The following CMTR1 variants were observed in gnomAD, a reference collection of about 807,000 sequenced individuals.
The protein encoded by CMTR1 is cap-specific mRNA (nucleoside-2'-O-)-methyltransferase 1.
In CMTR1, 39 loss-of-function variants were observed where a neutral mutation model predicts 107.0. The ratio of observed to expected loss-of-function variants is 0.36; its 90% CI spans 0.28 to 0.48. The LOEUF is 0.48. CMTR1 is among the 20% of genes least tolerant of loss of function. The pLI is 0.99. For missense variants in CMTR1, 672 were observed against 1,064.9 expected (o/e 0.63, Z 5.14); for synonymous variants, 366 against 379.5 (o/e 0.96, Z 0.41).
rs999022330 is a variant in CMTR1, at chr6:37,435,733, C to T, written c.104C>T (p.Pro35Leu). The change falls in exon 2 of 24, where the codon CCT (proline) becomes CTT (leucine). Residue 35 changes from proline (P) to leucine (L), a missense_variant. This residue lies in a region of CMTR1 where 89 missense variants were observed against 96.6 expected (regional missense o/e 0.92). Coordinates refer to ENST00000373451, the MANE Select transcript of CMTR1 (RefSeq NM_015050.3). ...CTCAGCTCCACGTCCGATGATGAAC[C>T]TCCCTCCTCTGTCAGTCATGGAGCA... ...LSLSSTSDDE[P>L]PSSVSHGAKA... 3.1e-6 allele frequency: 5 copies of T among 1,597,218 alleles called. No individual in the cohort carries two copies. The highest frequency in any genetic ancestry group is 1.8e-5 in the Admixed American group (1 of 55,648).
Position 37,473,573 on chromosome 6 carries a change from G to A in CMTR1, c.1793G>A (p.Ser598Asn), listed in dbSNP as rs1267368775. 3 of 1,614,084 alleles carry A rather than the reference G, an allele frequency of 1.9e-6. No individual in the cohort carries two copies. The highest frequency in any genetic ancestry group is 2.5e-6 in the Non-Finnish European group (3 of 1,179,980). Residue 598 changes from serine to asparagine, a missense_variant, in exon 17 of 24, where the codon AGT (serine) becomes AAT (asparagine). By Grantham distance (46) the Ser-to-Asn change is conservative. Coordinates refer to ENST00000373451, the MANE Select transcript of CMTR1 (RefSeq NM_015050.3). ...GACTACCGCTGCATGGTATCTGGCA[G>A]TGAGCAGAAGTTCCTCATCGGCCTG... ...VFDYRCMVSG[S>N]EQKFLIGLGK...
chr6:37,475,515 T>A (rs1242241018), intron 19 of CMTR1, 103 bp downstream of exon 19: 1 of 923,226 alleles, frequency 1.1e-6, no homozygotes, highest in Admixed American at 2.2e-5. Flanking sequence ...CCTTCTCTGC[T>A]TGTTGACATC....
chr6:37,477,723 A>T, intron 21 of CMTR1, 84 bp downstream of exon 21: 2 of 277,150 alleles, frequency 7.2e-6, no homozygotes, highest in Non-Finnish European at 1.4e-5. Flanking sequence ...GTTTCATAAG[A>T]TGGGTCGGGG....
intron 13 of CMTR1, among the ~76,000 whole-genome samples, chr6:37,463,499 G>A (rs1761443003): frequency 1.3e-5 from 2 of 151,906 alleles, no homozygotes; most frequent in East Asian, 1.9e-4. Context: ...TATCTTCTTT[G>A]TTTTCCCCAC....
rs576276835 is a variant in CMTR1 at position 37,446,311 on chromosome 6, A to G, written c.306A>G (p.Glu102=). 1.2e-6 allele frequency: 2 copies of G among 1,614,148 alleles called. No homozygotes were observed. The highest frequency in any genetic ancestry group is 2.2e-5 in the East Asian group (1 of 44,876). Residue 102 remains glutamate (E), a synonymous_variant, in exon 4 of 24, where the codon GAA becomes GAG. Transcript: ENST00000373451. The part of the protein sequence containing the change: ...QKLMAKMGFR[E]GEGLGKYSQG... ...TTCAGGCCAAGATGGGCTTCAGGGA[A>G]GGTGAAGGATTGGGTAAATACAGCC...
At chr6:37,468,669 A>C (rs1761557711) in intron 13 of CMTR1, among the ~76,000 whole-genome samples, 1 of 151,928 alleles carries the variant, frequency 6.6e-6, no homozygotes, top group South Asian at 2.1e-4. Flanking sequence ...GGATCACCTG[A>C]GGTCAGGAGT....
At chr6:37,445,184 C>G (rs188894110) in intron 3 of CMTR1, among the ~76,000 whole-genome samples, 68 of 152,324 alleles carry the variant, frequency 4.5e-4, no homozygotes, top group Non-Finnish European at 8.2e-4. Context: ...GCTTGTGACT[C>G]AGTCAGCCTG....
At chr6:37,438,520 A>G (rs1581726874) in intron 2 of CMTR1, among the ~76,000 whole-genome samples, 1 of 152,134 alleles carries the variant, frequency 6.6e-6, no homozygotes, top group African/African-American at 2.4e-5. Context: ...TCCCTAGGTT[A>G]ATTTATTTTA....
At position 37,472,074 on chromosome 6, in the gene CMTR1, GC is replaced by G. The variant is rs1284965824; in HGVS notation, c.1620+173del. 1.3e-5 allele frequency among the ~76,000 whole-genome samples: 2 copies of G among 152,192 alleles called. No individual in the cohort carries two copies. Among genetic ancestry groups the G allele is most frequent in the African/African-American group, 4.8e-5 (2 of 41,452 alleles). The stretch of plus-strand genomic sequence containing the variant: ...GGCATTGTTGGTAGTTACGTCCTTG[GC>G]CCTTTCACTGCTGGTTTGGCCCTGC... On this transcript the variant is annotated intron_variant, in intron 15 of 23. Coordinates refer to ENST00000373451, the MANE Select transcript of CMTR1 (RefSeq NM_015050.3). This position sits in a 1 kb window ranked among gnomAD's most constrained non-coding sequence, Gnocchi z 4.1.
the CMTR1 span, among the ~76,000 whole-genome samples, chr6:37,424,871 T>C: frequency 6.6e-6 from 1 of 152,138 alleles, no homozygotes; most frequent in Admixed American, 6.6e-5. Flanking sequence ...TGAGCATTTC[T>C]TGAAGGGCAG....
intron 3 of CMTR1, among the ~76,000 whole-genome samples, chr6:37,445,391 A>G (rs1771760728): frequency 6.6e-6 from 1 of 152,050 alleles, no homozygotes; most frequent in South Asian, 2.1e-4. Context: ...ACCTGGGCCC[A>G]GTAACTCTAA....
chr6:37,475,214 C>T (rs1761711570), intron 18 of CMTR1, 107 bp from the exon 19 acceptor site: 2 of 860,698 alleles, frequency 2.3e-6, no homozygotes, highest in African/African-American at 3.3e-5. Flanking sequence ...TAGAGCCCTA[C>T]CCTTCCCCCA....
At chr6:37,477,760 G>A (rs1056867728) in intron 21 of CMTR1, 121 bp downstream of exon 21, 8 of 699,172 alleles carry the variant, frequency 1.1e-5, no homozygotes, top group Non-Finnish European at 1.9e-5. Flanking sequence ...TGCCTCCAGC[G>A]GTCCCCTCAC....
chr6:37,472,594 TG>T lies in CMTR1; in HGVS notation c.1689+108del, dbSNP rs1373601817. On this transcript the variant is annotated intron_variant, in intron 16 of 23. Transcript: ENST00000373451. The surrounding 1 kb of genome is among the most constrained non-coding windows in gnomAD (Gnocchi z 4.1). Reference sequence around the variant, plus strand: ...ATGGTCTCCAGAGGGCTTGTGCAGATGCCCACCATGGGCTCTAAGGGGCGGA... The same window carrying T: ...ATGGTCTCCAGAGGGCTTGTGCAGATCCCACCATGGGCTCTAAGGGGCGGA... 12 of 1,123,420 alleles carry T rather than the reference TG, an allele frequency of 1.1e-5. No homozygotes were observed. Among genetic ancestry groups the T allele is most frequent in the African/African-American group, 1.5e-5 (1 of 65,244 alleles). The allele number at this position is 1,123,420 out of a possible 1,614,324, so 69.6% of individuals were successfully genotyped here. A position where few individuals can be genotyped will look rare whatever the true frequency, so the allele number is the denominator to read the frequency against.
At chr6:37,440,321 G>T (rs891802539) in intron 2 of CMTR1, among the ~76,000 whole-genome samples, 1 of 152,130 alleles carries the variant, frequency 6.6e-6, no homozygotes, top group African/African-American at 2.4e-5. Context: ...TAAGCCTCCT[G>T]TTTAGTTCCT....
intron 18 of CMTR1, 152 bp downstream of exon 18, chr6:37,474,798 G>T: frequency 8.3e-7 from 1 of 1,207,286 alleles, no homozygotes; most frequent in Non-Finnish European, 1.1e-6. Flanking sequence ...ACTCCTCCCC[G>T]AGCAGTTGCT....
Position 37,462,835 on chromosome 6 carries a change from GGT to G in CMTR1, c.1336_1337del (p.Cys446GlnfsTer9). The G allele has an allele frequency of 6.2e-7, 1 of 1,612,512 alleles. No individual in the cohort carries two copies. Among genetic ancestry groups the G allele is most frequent in the Non-Finnish European group, 8.5e-7 (1 of 1,179,936 alleles). On this transcript the variant is annotated frameshift_variant, in exon 13 of 24. Coordinates refer to ENST00000373451, the MANE Select transcript of CMTR1 (RefSeq NM_015050.3). LOFTEE classifies it high-confidence loss of function. ...ACAGAGTATCTTCTGCCAGGTATGT[GGT>G]GTGCAAGGGCCTGAAGGTGGGCATA... ...SRPANSERYVVCKGLKVGIDD... is the reference protein window; with the variant it reads ...SRPANSERYVXCKGLKVGIDD...
At chr6:37,426,782 A>T in the CMTR1 span, among the ~76,000 whole-genome samples, 3 of 152,066 alleles carry the variant, frequency 2.0e-5, no homozygotes, top group African/African-American at 7.2e-5. Context: ...GTCATTTTTT[A>T]ATGTCCTAGT....
chr6:37,444,056 C>CT lies in CMTR1; in HGVS notation c.192dup (p.Asp65Ter). ...GAGACCGAGGGGAAACAACACAGCTCTGACTCTTTTGACGATGCATTCAAA... is the reference window on the plus strand; with the variant it reads ...GAGACCGAGGGGAAACAACACAGCTCTTGACTCTTTTGACGATGCATTCAAA... On this transcript the variant is annotated frameshift_variant, in exon 3 of 24. Transcript: ENST00000373451. LOFTEE classifies it high-confidence loss of function. The CT allele has an allele frequency of 6.2e-7, 1 of 1,614,164 alleles. No individual in the cohort carries two copies. Among genetic ancestry groups the CT allele is most frequent in the Non-Finnish European group, 8.5e-7 (1 of 1,180,024 alleles).
Sources: allele counts gnomAD v4.1 joint callset (sites outside exome capture counted in the v4.1 genomes callset), GRCh38; gene constraint gnomAD v4.1.1; regional missense constraint gnomAD v4.1.1; non-coding constraint Gnocchi (gnomAD v3.1); transcripts MANE v1.5; gene names NCBI Gene and HGNC (gene_info 2026-07-23, HGNC 2026-07-21).